The following PALM2AKAP2 variants were observed in gnomAD, a reference collection of about 807,000 sequenced individuals.
The protein encoded by PALM2AKAP2 is PALM2-AKAP2 fusion protein.
A neutral mutation model predicts 71.5 loss-of-function variants in PALM2AKAP2; 37 were observed. The observed-to-expected ratio is 0.52, with a 90% CI of 0.40 to 0.68. The LOEUF is 0.68. PALM2AKAP2 is among the 30% of genes least tolerant of loss of function. The pLI is 0.00. For synonymous variants in PALM2AKAP2, 468 were observed against 478.8 expected (o/e 0.98, Z 0.29); for missense variants, 1,224 against 1,191.8 (o/e 1.03, Z -0.40).
chr9:109,665,353 C>T (rs957679847), intron 1 of PALM2AKAP2, among the ~76,000 whole-genome samples: 1 of 152,176 alleles, frequency 6.6e-6, no homozygotes, highest in Non-Finnish European at 1.5e-5. Context: ...ATATTGGTGA[C>T]CTACAGATGG....
intron 6 of PALM2AKAP2, among the ~76,000 whole-genome samples, chr9:109,936,880 G>C (rs1229502988): frequency 1.3e-5 from 2 of 152,198 alleles, no homozygotes; most frequent in Non-Finnish European, 2.9e-5. Flanking sequence ...CTCTCAGCCT[G>C]TTCCTCCTCC....
chr9:110,021,907 CAAGTAACTTTCATG>C (rs957274959), intron 7 of PALM2AKAP2, among the ~76,000 whole-genome samples: 3 of 152,140 alleles, frequency 2.0e-5, no homozygotes, highest in African/African-American at 7.2e-5. Context: ...ATAAGTGCTC[CAAGTAACTTTCATG>C]ATTAGTTTCA....
intron 1 of PALM2AKAP2, among the ~76,000 whole-genome samples, chr9:110,058,794 CT>C (rs1455204267): frequency 3.3e-5 from 5 of 151,962 alleles, no homozygotes; most frequent in Non-Finnish European, 7.4e-5. Context: ...GTCTCTCTCC[CT>C]TTTTTTCTTC....
chr9:109,647,789 T>C (rs1444374212), intron 1 of PALM2AKAP2, among the ~76,000 whole-genome samples: 1 of 152,206 alleles, frequency 6.6e-6, no homozygotes, highest in African/African-American at 2.4e-5. Flanking sequence ...AAGACAAAGC[T>C]TAAAATATCT....
chr9:109,943,033 A>T, intron 6 of PALM2AKAP2: 2 of 1,614,236 alleles, frequency 1.2e-6, no homozygotes, highest in Non-Finnish European at 1.7e-6. Flanking sequence ...ACATAAGTCT[A>T]GGAAAGACCA....
At chr9:109,654,282 A>G (rs1827265100) in intron 1 of PALM2AKAP2, among the ~76,000 whole-genome samples, 1 of 152,216 alleles carries the variant, frequency 6.6e-6, no homozygotes, top group South Asian at 2.1e-4. Flanking sequence ...GAACAAGATC[A>G]ATAAACTCTG....
chr9:110,072,060 A>G (rs1834218287), intron 1 of PALM2AKAP2, among the ~76,000 whole-genome samples: 1 of 152,228 alleles, frequency 6.6e-6, no homozygotes, highest in African/African-American at 2.4e-5. Flanking sequence ...TTCCTTCCCA[A>G]AATTTTTCTC....
At chr9:110,109,116 G>A (rs570072989) in intron 1 of PALM2AKAP2, among the ~76,000 whole-genome samples, 2 of 151,920 alleles carry the variant, frequency 1.3e-5, no homozygotes, top group Non-Finnish European at 2.9e-5. Flanking sequence ...TCAGGAGTTC[G>A]AGACCAACCT....
At chr9:109,855,194 T>G (rs570423140) in intron 1 of PALM2AKAP2, among the ~76,000 whole-genome samples, 18 of 152,278 alleles carry the variant, frequency 1.2e-4, no homozygotes, top group African/African-American at 4.1e-4. Context: ...CATTTCAGCC[T>G]CCTGAGTAGT....
At chr9:110,121,754 G>A (rs1475557403) in intron 1 of PALM2AKAP2, among the ~76,000 whole-genome samples, 1 of 152,194 alleles carries the variant, frequency 6.6e-6, no homozygotes, top group African/African-American at 2.4e-5. Context: ...TCTACAAGCT[G>A]CGCCTCCTTC....
At chr9:109,659,988 G>A (rs1267391322) in intron 1 of PALM2AKAP2, among the ~76,000 whole-genome samples, 1 of 151,944 alleles carries the variant, frequency 6.6e-6, no homozygotes, top group Non-Finnish European at 1.5e-5. Flanking sequence ...CTACAGGCAT[G>A]CACTACTGCA....
intron 3 of PALM2AKAP2, among the ~76,000 whole-genome samples, chr9:110,160,419 C>T (rs1042307247): frequency 7.9e-5 from 12 of 152,190 alleles, no homozygotes; most frequent in Non-Finnish European, 5.9e-5. Flanking sequence ...ATCCTAGTTT[C>T]CTAAAGGGCT....
chr9:110,016,463 C>G (rs565167539), intron 7 of PALM2AKAP2, among the ~76,000 whole-genome samples: 5 of 152,156 alleles, frequency 3.3e-5, no homozygotes, highest in Non-Finnish European at 5.9e-5. Flanking sequence ...GTCAGAGAGG[C>G]ATAAAGTAGC....
intron 1 of PALM2AKAP2, among the ~76,000 whole-genome samples, chr9:109,817,176 C>T (rs144158001): frequency 2.0e-5 from 3 of 152,252 alleles, no homozygotes; most frequent in South Asian, 2.1e-4. Flanking sequence ...TCTAGATTGC[C>T]GTGCCCACTT....
At chr9:109,650,307 T>A (rs1233452540) in intron 1 of PALM2AKAP2, among the ~76,000 whole-genome samples, 1 of 134,824 alleles carries the variant, frequency 7.4e-6, no homozygotes, top group East Asian at 2.0e-4. Context: ...CCTTTTAGGG[T>A]TGTCCACTGA....
At chr9:109,884,349 C>A (rs1205386207) in intron 3 of PALM2AKAP2, among the ~76,000 whole-genome samples, 1 of 152,140 alleles carries the variant, frequency 6.6e-6, no homozygotes, top group East Asian at 1.9e-4. Context: ...GCAATCCCAG[C>A]TACTTGGGAG....
chr9:110,145,378 A>T (rs1836138885), intron 2 of PALM2AKAP2, among the ~76,000 whole-genome samples: 2 of 152,150 alleles, frequency 1.3e-5, no homozygotes, highest in Non-Finnish European at 2.9e-5. Flanking sequence ...GTTCTTTTTG[A>T]AAGTTATTTC....
chr9:109,764,966 T>C (rs1829125918), intron 1 of PALM2AKAP2, among the ~76,000 whole-genome samples: 1 of 152,232 alleles, frequency 6.6e-6, no homozygotes. Flanking sequence ...CATATCTTTG[T>C]CATATAAATA....
At chr9:110,065,025 A>G (rs492649) in intron 1 of PALM2AKAP2, among the ~76,000 whole-genome samples, 111,778 of 152,102 alleles carry the variant, frequency 0.73, 41,468 homozygotes, top group African/African-American at 0.83. Flanking sequence ...GAAACATAGC[A>G]GTGACAGCGT....
Sources: allele counts gnomAD v4.1 joint callset (sites outside exome capture counted in the v4.1 genomes callset), GRCh38; gene constraint gnomAD v4.1.1; transcripts MANE v1.5; gene names NCBI Gene and HGNC (gene_info 2026-07-23, HGNC 2026-07-21).